The following MOV10L1 variants were observed in gnomAD, a reference collection of about 807,000 sequenced individuals.
MOV10L1 encodes the protein RNA helicase Mov10l1.
Under a neutral mutation model 143.8 loss-of-function variants are expected in MOV10L1, and 110 were observed. The ratio of observed to expected loss-of-function variants is 0.76; its 90% CI spans 0.66 to 0.90. The LOEUF is 0.90. MOV10L1 is among the 40% of genes least tolerant of loss of function. MOV10L1 has a pLI of 0.00. For synonymous variants in MOV10L1, 593 were observed against 581.1 expected, an observed-to-expected ratio of 1.02 and a Z score of -0.29; for missense variants, 1,406 against 1,526.8, an observed-to-expected ratio of 0.92 and a Z score of 1.32.
rs565259487 is a variant in MOV10L1 at position 50,109,232 on chromosome 22, C to T, written c.743+388C>T. ...TTACTTTAATAAGCCAAATAGTAGACATTTCAAGCCCTGAGTTGTTGGGGT... is the reference window on the plus strand; with the variant it reads ...TTACTTTAATAAGCCAAATAGTAGATATTTCAAGCCCTGAGTTGTTGGGGT... On this transcript the variant is annotated intron_variant, in intron 5 of 26. Coordinates refer to ENST00000262794, the MANE Select transcript of MOV10L1 (RefSeq NM_018995.3). 1.1e-4 allele frequency among the ~76,000 whole-genome samples: 17 copies of T among 152,266 alleles called. 1 individual carries two copies. In the East Asian group the frequency reaches 1.7e-3, roughly 16 times the overall value.
chr22:50,161,041 G>A lies in MOV10L1; in HGVS notation c.3540G>A (p.Leu1180=). Reference sequence around the variant, plus strand: ...TGGGATGCGATTTACCTCCTGCACTGCAGTCTCTGCAAAAGTGAGCGCTTC... The same window carrying A: ...TGGGATGCGATTTACCTCCTGCACTACAGTCTCTGCAAAAGTGAGCGCTTC... ...VYMGCDLPPA[L]QSLQNCGEGV... The change falls in exon 26 of 27, where the codon CTG becomes CTA. Residue 1180 remains leucine, a synonymous_variant. Transcript: ENST00000262794. The A allele has an allele frequency of 6.2e-7, 1 of 1,614,000 alleles. No individual in the cohort carries two copies. The highest frequency in any genetic ancestry group is 2.2e-5 in the East Asian group (1 of 44,888).
In MOV10L1 at chr22:50,152,061, C is replaced by T. The variant is rs2063314089; in HGVS notation, c.2893-984C>T. Among the ~76,000 whole-genome samples the T allele has an allele frequency of 6.6e-6, 1 of 152,258 alleles. No homozygotes were observed. The stretch of plus-strand genomic sequence containing the variant: ...TAGCACGTTGGAGGCTGGACACATT[C>T]TATTTAGGCTTGACAGAGTCGGGAG... On this transcript the variant is annotated intron_variant, in intron 21 of 26. Coordinates refer to ENST00000262794, the MANE Select transcript of MOV10L1 (RefSeq NM_018995.3). This position sits in a 1 kb window ranked among gnomAD's most constrained non-coding sequence, Gnocchi z 4.4.
rs763186580 is a variant in MOV10L1, at chr22:50,149,653, G to C, written c.2666G>C (p.Gly889Ala). 6.2e-7 allele frequency: 1 copy of C among 1,614,138 alleles called. No homozygotes were observed. The highest frequency in any genetic ancestry group is 1.1e-5 in the South Asian group (1 of 91,078). ...ACTCACGTGTTTGTGGACGAGGCTG[G>C]GCAGGCAAGTGAGCCGGAATGCCTC... ...HFTHVFVDEA[G>A]QASEPECLIP... The change falls in exon 20 of 27, where the codon GGG becomes GCG. Residue 889 changes from glycine to alanine, a missense_variant. By Grantham distance (60) the Gly-to-Ala change is moderately conservative (BLOSUM62 0). Coordinates refer to ENST00000262794, the MANE Select transcript of MOV10L1 (RefSeq NM_018995.3).
At chr22:50,094,432 C>T (rs867737230) in intron 2 of MOV10L1, 1 of 144,484 alleles carries the variant, frequency 6.9e-6, no homozygotes, top group East Asian at 2.0e-4. Context: ...CGGAGTCTCG[C>T]TCTGTCACCC....
At chr22:50,125,271 C>T (rs1161798950) in intron 10 of MOV10L1, 121 bp from the exon 11 acceptor site, 23 of 953,128 alleles carry the variant, frequency 2.4e-5, no homozygotes, top group Admixed American at 9.3e-5. Context: ...CGGCGAGGAT[C>T]GCCCCACCTG....
At chr22:50,125,208 C>G (rs2062463372) in intron 10 of MOV10L1, among the ~76,000 whole-genome samples, 184 bp from the exon 11 acceptor site, 1 of 152,224 alleles carries the variant, frequency 6.6e-6, no homozygotes, top group African/African-American at 2.4e-5. Flanking sequence ...GTGCTGGAGC[C>G]CCATGGCCCT....
At chr22:50,151,535 T>C (rs1033342852) in intron 21 of MOV10L1, among the ~76,000 whole-genome samples, 1 of 152,194 alleles carries the variant, frequency 6.6e-6, no homozygotes, top group East Asian at 1.9e-4. Context: ...GGTGGGGGTC[T>C]TCAGGCCAAG....
intron 19 of MOV10L1, among the ~76,000 whole-genome samples, chr22:50,146,273 G>A (rs2063150534): frequency 6.6e-6 from 1 of 152,048 alleles, no homozygotes; most frequent in Admixed American, 6.5e-5. Context: ...CCTAGGAAAC[G>A]GCTGGGCTCT....
chr22:50,131,099 G>C (rs1478046226), intron 13 of MOV10L1, among the ~76,000 whole-genome samples: 1 of 149,378 alleles, frequency 6.7e-6, no homozygotes, highest in Non-Finnish European at 1.5e-5. Flanking sequence ...TTAGTGAGAC[G>C]GGGTTTCACT....
rs537050827 is a variant in MOV10L1, at chr22:50,107,113, C to T, written c.443-1023C>T. Among the ~76,000 whole-genome samples the T allele has an allele frequency of 2.1e-3, 315 of 149,044 alleles. 2 individuals carry two copies. The highest frequency in any genetic ancestry group is 4.9e-3 in the Admixed American group (73 of 14,976). On this transcript the variant is annotated intron_variant, in intron 3 of 26. Transcript: ENST00000262794. ...TTTTTGAGACGGTGTCTCGCTGTGT[C>T]ACCCAGGCTGGAGTGCAGTGGCGTG...
At chr22:50,116,215 A>G (rs1262579657) in intron 8 of MOV10L1, among the ~76,000 whole-genome samples, 1 of 145,768 alleles carries the variant, frequency 6.9e-6, no homozygotes. Flanking sequence ...TTTTGACATT[A>G]TGACAACATA....
intron 3 of MOV10L1, among the ~76,000 whole-genome samples, chr22:50,104,727 A>C (rs2061826572): frequency 6.6e-6 from 1 of 152,158 alleles, no homozygotes; most frequent in African/African-American, 2.4e-5. Context: ...ATATTAACAT[A>C]CTTTAATATC....
At chr22:50,146,272 C>T (rs1045406800) in intron 19 of MOV10L1, among the ~76,000 whole-genome samples, 13 of 151,996 alleles carry the variant, frequency 8.6e-5, no homozygotes, top group African/African-American at 2.2e-4. Context: ...GCCTAGGAAA[C>T]GGCTGGGCTC....
At chr22:50,134,382 C>A in intron 14 of MOV10L1, 148 bp from the exon 15 acceptor site, 1 of 639,510 alleles carries the variant, frequency 1.6e-6, no homozygotes, top group Non-Finnish European at 2.7e-6. Context: ...ACTAATAATG[C>A]TATAATTTAG....
intron 19 of MOV10L1, among the ~76,000 whole-genome samples, chr22:50,148,149 C>T (rs1344816367): frequency 6.6e-6 from 1 of 152,202 alleles, no homozygotes; most frequent in Non-Finnish European, 1.5e-5. Flanking sequence ...ACGGTGCGGG[C>T]CCAAGGTGCG....
Position 50,159,551 on chromosome 22 carries a change from G to A in MOV10L1, c.3217-127G>A, listed in dbSNP as rs544173783. 3.1e-5 allele frequency: 16 copies of A among 517,236 alleles called. No individual in the cohort carries two copies. The highest frequency in any genetic ancestry group is 1.2e-4 in the African/African-American group (6 of 49,162). 32.0% of individuals were successfully genotyped at this position (517,236 alleles called of 1,614,324 possible). A position where few individuals can be genotyped will look rare whatever the true frequency, so the allele number is the denominator to read the frequency against. On this transcript the variant is annotated intron_variant, in intron 23 of 26. Coordinates refer to ENST00000262794, the MANE Select transcript of MOV10L1 (RefSeq NM_018995.3). This position sits in a 1 kb window ranked among gnomAD's most constrained non-coding sequence, Gnocchi z 4.1. ...CGGGAGGCAGAGGTTGCAGTGAGCC[G>A]AGATCACGCCACTGCACTGCAGCCT...
intron 16 of MOV10L1, among the ~76,000 whole-genome samples, chr22:50,142,672 A>T (rs569144466): frequency 6.6e-6 from 1 of 151,846 alleles, no homozygotes; most frequent in East Asian, 1.9e-4. Context: ...CTATAAAAAA[A>T]AAAAAATACA....
At position 50,145,833 on chromosome 22, in the gene MOV10L1, G is replaced by A. The variant is rs182650671; in HGVS notation, c.2627+23G>A. ...GAGGTGAGCCCCGGGCATGGAGCGC[G>A]GCATGGGGCCTCCCAGGGCAGAGGT... is the stretch of plus-strand genomic sequence containing the variant. On this transcript the variant is annotated intron_variant, in intron 19 of 26. Transcript: ENST00000262794. 1,873 of 1,612,476 alleles carry A rather than the reference G, an allele frequency of 1.2e-3. 40 individuals are homozygous for A. In the South Asian group the frequency reaches 0.014, roughly 12 times the overall value.
At chr22:50,113,825 A>G in intron 6 of MOV10L1, 37 bp downstream of exon 6, 1 of 1,529,538 alleles carries the variant, frequency 6.5e-7, no homozygotes. Context: ...ATAAAGCTAC[A>G]TTAATGGCTT....
Sources: allele counts gnomAD v4.1 joint callset (sites outside exome capture counted in the v4.1 genomes callset), GRCh38; gene constraint gnomAD v4.1.1; non-coding constraint Gnocchi (gnomAD v3.1); transcripts MANE v1.5; gene names NCBI Gene and HGNC (gene_info 2026-07-23, HGNC 2026-07-21).